GET4: variants seen among roughly 807,000 people sequenced by gnomAD.
GET4 encodes guided entry of tail-anchored proteins factor 4.
A neutral mutation model predicts 40.0 loss-of-function variants in GET4; 20 were observed. The observed-to-expected ratio is 0.50, with a 90% CI of 0.35 to 0.73. The LOEUF (loss-of-function observed/expected upper bound fraction) is 0.73, where lower values mean the gene tolerates loss of function less well. Among genes scored for constraint, GET4 ranks in the 30% least tolerant of loss-of-function variants. The probability of loss-of-function intolerance (pLI) is 0.01; values close to 1 mark genes in which losing one functional copy is unlikely to be tolerated. For missense variants in GET4, 557 were observed against 454.0 expected (o/e 1.23, Z -2.06); for synonymous variants, 280 against 194.6 (o/e 1.44, Z -3.65).
intron 6 of GET4, among the ~76,000 whole-genome samples, chr7:892,723 GTGCAGACGTCTGGGGGGTT>G (rs1844356709): frequency 6.6e-6 from 1 of 151,006 alleles, no homozygotes; most frequent in East Asian, 1.9e-4. Flanking sequence ...GGTGGTGTGG[GTGCAGACGTCTGGGGGGTT>G]GTGTGCGGGT....
intron 6 of GET4, 81 bp downstream of exon 6, chr7:892,499 T>G (rs1583100673): frequency 4.8e-6 from 7 of 1,460,238 alleles, no homozygotes; most frequent in South Asian, 3.6e-5. Flanking sequence ...GCTGTGTGGG[T>G]GTGTGTGCAA....
intron 3 of GET4, 43 bp downstream of exon 3, chr7:886,693 C>G: frequency 8.2e-7 from 1 of 1,215,218 alleles, no homozygotes; most frequent in Non-Finnish European, 1.2e-6. Context: ...TGACAGCGGC[C>G]CCAGTACGCC....
At chr7:886,974 C>G (rs915879391) in intron 3 of GET4, 3 of 518,458 alleles carry the variant, frequency 5.8e-6, no homozygotes, top group African/African-American at 5.7e-5. Flanking sequence ...GTCGGCCTGT[C>G]CTGTCGGGTG....
intron 8 of GET4, among the ~76,000 whole-genome samples, chr7:895,112 C>A (rs1356613517): frequency 1.3e-5 from 2 of 151,870 alleles, no homozygotes; most frequent in South Asian, 2.1e-4. Context: ...TCTGTGGAGT[C>A]CCCCGTGGCT....
In GET4 at chr7:891,004, G is replaced by C. The variant is rs1844309730; in HGVS notation, c.543G>C (p.Glu181Asp). The change falls in exon 5 of 9, where the codon GAG (glutamate) becomes GAC (aspartate). Residue 181 changes from glutamate (E) to aspartate (D), a missense_variant. Glu to Asp is a conservative substitution (Grantham distance 45, BLOSUM62 2). Coordinates refer to ENST00000265857, the MANE Select transcript of GET4 (RefSeq NM_015949.3). ...DGEGCANMLV[E>D]YSTSRGFRSE... Reference sequence around the variant, plus strand: ...AGGGCTGTGCCAACATGCTGGTGGAGTATTCCACGTCCCGCGGCTTCCGCA... The same window carrying C: ...AGGGCTGTGCCAACATGCTGGTGGACTATTCCACGTCCCGCGGCTTCCGCA... 1.9e-6 allele frequency: 3 copies of C among 1,611,844 alleles called. No individual in the cohort carries two copies. Among genetic ancestry groups the C allele is most frequent in the Admixed American group, 1.7e-5 (1 of 59,960 alleles).
At chr7:876,841 C>T (rs1221715198) in intron 1 of GET4, 41 bp downstream of exon 1, 22 of 1,076,120 alleles carry the variant, frequency 2.0e-5, no homozygotes, top group Non-Finnish European at 2.5e-5. Context: ...GCGCCCGCCC[C>T]CGCCGCCTCC....
In GET4 at chr7:876,756, C is replaced by T. The variant is rs1407598417; in HGVS notation, c.111C>T (p.Gly37=). ...AGCTGCGCGCCAGCGTCGAGAAGGGCGACTACTACGAGGCGCACCAGATGT... is the reference window on the plus strand; with the variant it reads ...AGCTGCGCGCCAGCGTCGAGAAGGGTGACTACTACGAGGCGCACCAGATGT... ...EGKLRASVEK[G]DYYEAHQMYR... Residue 37 remains glycine, a synonymous_variant, in exon 1 of 9, where the codon GGC becomes GGT. Transcript: ENST00000265857. 2.2e-6 allele frequency: 3 copies of T among 1,365,316 alleles called. No individual in the cohort carries two copies. Among genetic ancestry groups the T allele is most frequent in the South Asian group, 1.5e-5 (1 of 65,710 alleles). 84.6% of individuals were successfully genotyped at this position (1,365,316 alleles called of 1,614,324 possible).
Position 890,321 on chromosome 7 carries a change from AGCGGGTGTCAGGACGGGGTCTGG to A in GET4, c.467-605_467-583del, listed in dbSNP as rs1425332311. ...GGGGTCTGGGAGTGGAGGGAGCGCGAGCGGGTGTCAGGACGGGGTCTGGGAGTGGAGGGAGTGCGAGCGGGTGT... is the reference window on the plus strand; with the variant it reads ...GGGGTCTGGGAGTGGAGGGAGCGCGAGAGTGGAGGGAGTGCGAGCGGGTGT... On this transcript the variant is annotated intron_variant, in intron 4 of 8. Transcript: ENST00000265857. Among the ~76,000 whole-genome samples the A allele has an allele frequency of 3.3e-3, 114 of 34,442 alleles. 19 individuals carry two copies. The highest frequency in any genetic ancestry group is 7.7e-3 in the South Asian group (7 of 912). 22.6% of individuals were successfully genotyped at this position (34,442 alleles called of 152,430 possible).
At chr7:884,221 G>T (rs1319787660) in intron 1 of GET4, 4 of 1,303,844 alleles carry the variant, frequency 3.1e-6, no homozygotes, top group Non-Finnish European at 4.0e-6. Context: ...TCTGCCCGTG[G>T]CCCCACTGGC....
At chr7:884,319 G>T in intron 1 of GET4, 1 of 1,304,174 alleles carries the variant, frequency 7.7e-7, no homozygotes, top group Non-Finnish European at 1.0e-6. Context: ...AGTCAGTCAT[G>T]TCCCTGCAGG....
chr7:889,893 T>C (rs868549694), intron 4 of GET4, among the ~76,000 whole-genome samples: 40 of 2,386 alleles, frequency 0.017, 2 homozygotes, highest in African/African-American at 0.066. Context: ...GAGCGGGTGT[T>C]AGGACGGGGT....
intron 6 of GET4, 79 bp downstream of exon 6, chr7:892,497 GGT>G (rs889260390): frequency 1.3e-4 from 187 of 1,467,204 alleles, no homozygotes; most frequent in Non-Finnish European, 1.7e-4. Context: ...TAGCTGTGTG[GGT>G]GTGTGTGCAA....
chr7:894,851 A>G (rs943940799), intron 8 of GET4, among the ~76,000 whole-genome samples: 2 of 152,208 alleles, frequency 1.3e-5, no homozygotes, highest in Non-Finnish European at 2.9e-5. Flanking sequence ...TTGGATAAAA[A>G]TCAGATGACA....
At chr7:886,970 C>A (rs1395005916) in intron 3 of GET4, 4 of 515,318 alleles carry the variant, frequency 7.8e-6, no homozygotes, top group Non-Finnish European at 1.4e-5. Context: ...GCTTGTCGGC[C>A]TGTCCTGTCG....
intron 1 of GET4, 190 bp from the exon 2 acceptor site, chr7:885,866 G>A (rs1387687477): frequency 4.7e-5 from 28 of 596,410 alleles, no homozygotes; most frequent in Non-Finnish European, 6.0e-6. Context: ...GGCGCCCCAT[G>A]CAGCCCTCAT....
chr7:894,254 C>T (rs57704567), intron 8 of GET4, among the ~76,000 whole-genome samples: 68 of 152,184 alleles, frequency 4.5e-4, no homozygotes, highest in African/African-American at 1.5e-3. Flanking sequence ...CGTGCTCCCC[C>T]GTCTCTCTGT....
At chr7:887,050 C>G (rs891540421) in intron 3 of GET4, 2 of 585,212 alleles carry the variant, frequency 3.4e-6, no homozygotes, top group Admixed American at 2.2e-5. Flanking sequence ...GTCCCTGCTG[C>G]TCTGGGAGAT....
At chr7:877,196 G>C (rs1279493737) in intron 1 of GET4, among the ~76,000 whole-genome samples, 2 of 65,704 alleles carry the variant, frequency 3.0e-5, no homozygotes, top group African/African-American at 1.4e-4. Context: ...GCCCCACCTT[G>C]GTCTCGCTCT....
rs554332081 is a variant in GET4 at position 876,599 on chromosome 7, C to G, written c.-47C>G. ...TCGGGACGGAAGCCGGGAGGCGCTG[C>G]CGACCGCGCCTGCGACAGCGTCAGC... On this transcript the variant is annotated 5_prime_UTR_variant, in exon 1 of 9. Coordinates refer to ENST00000265857, the MANE Select transcript of GET4 (RefSeq NM_015949.3). 6.1e-4 allele frequency: 707 copies of G among 1,159,622 alleles called. 5 individuals are homozygous for G. In the African/African-American group the frequency reaches 9.7e-3, roughly 16 times the overall value. 71.8% of individuals were successfully genotyped at this position (1,159,622 alleles called of 1,614,324 possible). A position where few individuals can be genotyped will look rare whatever the true frequency, so the allele number is the denominator to read the frequency against.
Sources: gnomAD v4.1 joint callset for allele counts (sites outside exome capture counted in the v4.1 genomes callset) on GRCh38, gnomAD v4.1.1 for gene constraint, MANE v1.5 for transcripts, NCBI Gene and HGNC (gene_info 2026-07-23, HGNC 2026-07-21) for gene names.